The following COX6C variants were observed in gnomAD, a reference collection of about 807,000 sequenced individuals.
COX6C encodes cytochrome c oxidase polypeptide VIc.
A neutral mutation model predicts 6.9 loss-of-function variants in COX6C; 3 were observed. That is an observed-to-expected ratio of 0.43 (90% confidence interval 0.20 to 1.12). The LOEUF (loss-of-function observed/expected upper bound fraction) is 1.12, where lower values mean the gene tolerates loss of function less well. COX6C is among the 50% of genes most tolerant of loss of function. The pLI, the probability that COX6C is intolerant of heterozygous loss-of-function variation, is 0.27. For synonymous variants in COX6C, 32 were observed against 32.0 expected, an observed-to-expected ratio of 1.00 and a Z score of 0.00; for missense variants, 101 against 97.3, an observed-to-expected ratio of 1.04 and a Z score of -0.16.
intron 3 of COX6C, among the ~76,000 whole-genome samples, chr8:99,883,140 G>A (rs188041971): frequency 2.6e-5 from 4 of 151,896 alleles, no homozygotes; most frequent in East Asian, 1.9e-4. Flanking sequence ...TAATCTGAAC[G>A]TCTATAACTA....
Position 99,884,974 on chromosome 8 carries a change from A to T in COX6C, c.*15+2516T>A, listed in dbSNP as rs554458257. Among the ~76,000 whole-genome samples, 135 of 152,358 alleles carry T rather than the reference A, an allele frequency of 8.9e-4. 1 individual carries two copies. Among genetic ancestry groups the T allele is most frequent in the African/African-American group, 3.2e-3 (132 of 41,580 alleles). ...CTATCAAAATCCCAATGGCATTTTTACAGAAATAGAAAAATCCATCCTAAA... is the reference window on the plus strand; with the variant it reads ...CTATCAAAATCCCAATGGCATTTTTTCAGAAATAGAAAAATCCATCCTAAA... On this transcript the variant is annotated intron_variant, in intron 3 of 3. Transcript: ENST00000520468.
chr8:99,883,403 G>A (rs1304350941), intron 3 of COX6C, among the ~76,000 whole-genome samples: 3 of 150,672 alleles, frequency 2.0e-5, no homozygotes, highest in African/African-American at 4.9e-5. Context: ...CTGTGTGTGT[G>A]TATATATATG....
chr8:99,892,141 G>A, intron 1 of COX6C, 89 bp from the exon 2 acceptor site: 1 of 695,932 alleles, frequency 1.4e-6, no homozygotes, highest in South Asian at 1.8e-5. Context: ...GATTGGAGCT[G>A]CCCTGAATAT....
chr8:99,883,123 A>C (rs1817890036), intron 3 of COX6C, among the ~76,000 whole-genome samples: 1 of 152,038 alleles, frequency 6.6e-6, no homozygotes, highest in Admixed American at 6.6e-5. Flanking sequence ...CTGGATCAGG[A>C]AAACAATAAT....
intron 1 of COX6C, among the ~76,000 whole-genome samples, chr8:99,892,828 C>G (rs973198398): frequency 6.6e-6 from 1 of 152,138 alleles, no homozygotes; most frequent in Non-Finnish European, 1.5e-5. Context: ...GATTGCAAAC[C>G]CATTTATGCA....
intron 2 of COX6C, among the ~76,000 whole-genome samples, chr8:99,890,337 C>A (rs1214671777): frequency 6.6e-6 from 1 of 152,144 alleles, no homozygotes; most frequent in Non-Finnish European, 1.5e-5. Context: ...CTGTGAACCA[C>A]AACATCCCCC....
At chr8:99,881,324 C>A (rs1245057130) in intron 3 of COX6C, among the ~76,000 whole-genome samples, 1 of 150,722 alleles carries the variant, frequency 6.6e-6, no homozygotes, top group Non-Finnish European at 1.5e-5. Context: ...TGCATCACTA[C>A]ATTCCAGCCT....
intron 3 of COX6C, among the ~76,000 whole-genome samples, chr8:99,886,661 T>C (rs1178337926): frequency 1.4e-5 from 2 of 147,046 alleles, no homozygotes; most frequent in African/African-American, 5.2e-5. Context: ...CTAAAATAGA[T>C]CATTCAGCTT....
intron 2 of COX6C, among the ~76,000 whole-genome samples, chr8:99,891,480 A>C (rs1818030945): frequency 6.6e-6 from 1 of 152,200 alleles, no homozygotes; most frequent in African/African-American, 2.4e-5. Flanking sequence ...GTTTCAAAGA[A>C]AGAAAAAGGA....
intron 3 of COX6C, among the ~76,000 whole-genome samples, chr8:99,881,106 T>A (rs1817855357): frequency 6.6e-6 from 1 of 152,216 alleles, no homozygotes; most frequent in Admixed American, 6.5e-5. Flanking sequence ...ATGCCTGTTA[T>A]CCCAGGACTT....
intron 3 of COX6C, among the ~76,000 whole-genome samples, chr8:99,882,746 T>C (rs79659996): frequency 0.034 from 4,850 of 143,576 alleles, 228 homozygotes; most frequent in African/African-American, 0.12. Context: ...TGAACAATTA[T>C]ATGTAAACAA....
rs939388997 is a variant in COX6C, at chr8:99,891,791, G to A, written c.114+117C>T. On this transcript the variant is annotated intron_variant, in intron 2 of 3. Transcript: ENST00000520468. ...CAAGCTATAGTTCCTGTCACACTGAGGTGAGTGCAGAAAGGGTTAGAAAGA... is the reference window on the plus strand; with the variant it reads ...CAAGCTATAGTTCCTGTCACACTGAAGTGAGTGCAGAAAGGGTTAGAAAGA... The A allele has an allele frequency of 1.4e-5, 12 of 840,318 alleles. No homozygotes were observed. The African/African-American group carries it at 1.9e-4, about 13-fold the overall frequency. 52.1% of individuals were successfully genotyped at this position (840,318 alleles called of 1,614,324 possible).
chr8:99,879,549 A>T (rs1011309313), intron 3 of COX6C, among the ~76,000 whole-genome samples: 4 of 152,220 alleles, frequency 2.6e-5, no homozygotes, highest in East Asian at 1.9e-4. Flanking sequence ...CCAAAAATTT[A>T]AAAATGTTTA....
chr8:99,889,843 C>A (rs1013185935), intron 2 of COX6C, among the ~76,000 whole-genome samples: 1 of 151,788 alleles, frequency 6.6e-6, no homozygotes, highest in African/African-American at 2.4e-5. Flanking sequence ...ATAATCCCAG[C>A]ACTTTGGGAG....
chr8:99,891,969 C>T lies in COX6C; in HGVS notation c.53G>A (p.Arg18His), dbSNP rs1429598283. The part of the protein sequence containing the change: ...KPRMRGLLAR[R>H]LRNHMAVAFV... ...TGCTACAGCCATATGATTTCGCAGACGCCTGGCCAGAAGGCCACGCATCCG... is the reference window on the plus strand; with the variant it reads ...TGCTACAGCCATATGATTTCGCAGATGCCTGGCCAGAAGGCCACGCATCCG... Residue 18 changes from arginine to histidine, a missense_variant, in exon 2 of 4, where the codon CGT becomes CAT. Coordinates refer to ENST00000520468, the MANE Select transcript of COX6C (RefSeq NM_004374.4). 6 of 1,613,902 alleles carry T rather than the reference C, an allele frequency of 3.7e-6. No homozygotes were observed. The African/African-American group carries it at 8.0e-5, about 22-fold the overall frequency.
chr8:99,884,395 A>C (rs1817912343), intron 3 of COX6C, among the ~76,000 whole-genome samples: 1 of 152,210 alleles, frequency 6.6e-6, no homozygotes, highest in Non-Finnish European at 1.5e-5. Context: ...ACCAAAAATA[A>C]TACTTAGGAA....
intron 3 of COX6C, among the ~76,000 whole-genome samples, chr8:99,883,740 C>T (rs1216901968): frequency 6.6e-6 from 1 of 152,070 alleles, no homozygotes; most frequent in Non-Finnish European, 1.5e-5. Flanking sequence ...AGGCCAAATC[C>T]TTTAACACAG....
At chr8:99,883,531 G>C (rs1817901037) in intron 3 of COX6C, among the ~76,000 whole-genome samples, 1 of 149,284 alleles carries the variant, frequency 6.7e-6, no homozygotes, top group African/African-American at 2.5e-5. Flanking sequence ...CTAACTTCTG[G>C]ATTATAGTGA....
At chr8:99,891,160 C>T (rs1481770412) in intron 2 of COX6C, among the ~76,000 whole-genome samples, 1 of 152,214 alleles carries the variant, frequency 6.6e-6, no homozygotes, top group Non-Finnish European at 1.5e-5. Flanking sequence ...CTCAGTACCT[C>T]AGAATCTAAA....
Sources: allele counts gnomAD v4.1 joint callset (sites outside exome capture counted in the v4.1 genomes callset), GRCh38; gene constraint gnomAD v4.1.1; transcripts MANE v1.5; gene names NCBI Gene and HGNC (gene_info 2026-07-23, HGNC 2026-07-21).